POLR1C: variants seen among roughly 807,000 people sequenced by gnomAD.
POLR1C encodes the protein DNA-directed RNA polymerases I and III subunit RPAC1.
In POLR1C, 42 loss-of-function variants were observed where a neutral mutation model predicts 38.3. The ratio of observed to expected loss-of-function variants is 1.10; its 90% CI spans 0.86 to 1.42. POLR1C has a LOEUF of 1.42. POLR1C is among the 40% of genes most tolerant of loss of function. The pLI is 0.00. For synonymous variants in POLR1C, 163 were observed against 163.9 expected (o/e 0.99, Z 0.04); for missense variants, 507 against 450.5 (o/e 1.13, Z -1.14).
chr6:43,520,689 C>G lies in POLR1C; in HGVS notation c.720C>G (p.Thr240=). 1 of 1,614,128 alleles carries G rather than the reference C, an allele frequency of 6.2e-7. No homozygotes were observed. The highest frequency in any genetic ancestry group is 8.5e-7 in the Non-Finnish European group (1 of 1,180,010). ...GTTACAGGCTCCTGCCAGACATCAC[C>G]CTGCTTGAGCCCGTGGAAGGGGAGG... ...TASYRLLPDI[T]LLEPVEGEAA... The change falls in exon 7 of 9, where the codon ACC becomes ACG. Residue 240 remains threonine (T), a synonymous_variant. Coordinates refer to ENST00000642195, the MANE Select transcript of POLR1C (RefSeq NM_203290.4).
rs1793048463 is a variant in POLR1C, at chr6:43,519,895, T to A, written c.382+57T>A. Reference sequence around the variant, plus strand: ...TATCTGGGTTCAAATCCTGGTTGACTGTGATGTTGGGTAAGTTACTTATCT... The same window carrying A: ...TATCTGGGTTCAAATCCTGGTTGACAGTGATGTTGGGTAAGTTACTTATCT... On this transcript the variant is annotated intron_variant, in intron 4 of 8. Transcript: ENST00000642195. 7 of 1,581,800 alleles carry A rather than the reference T, an allele frequency of 4.4e-6. No individual in the cohort carries two copies. The East Asian group carries it at 1.6e-4, about 36-fold the overall frequency.
At chr6:43,542,641 G>T (rs1259204617) in intron 9 of POLR1C, among the ~76,000 whole-genome samples, 3 of 152,000 alleles carry the variant, frequency 2.0e-5, no homozygotes, top group African/African-American at 2.4e-5. Flanking sequence ...GGCCAGGCTG[G>T]TCTCAAACTC....
At chr6:43,528,906 C>T in intron 8 of POLR1C, 1 of 1,613,220 alleles carries the variant, frequency 6.2e-7, no homozygotes, top group Non-Finnish European at 8.5e-7. Flanking sequence ...AGAAGAGCAC[C>T]AGAGGCTTTA....
At chr6:43,519,464 G>T in intron 3 of POLR1C, 24 bp downstream of exon 3, 1 of 1,551,394 alleles carries the variant, frequency 6.4e-7, no homozygotes, top group Non-Finnish European at 8.9e-7. Flanking sequence ...TGGTGACAAG[G>T]CTGGAGTTGC....
intron 4 of POLR1C, 97 bp downstream of exon 4, chr6:43,519,935 C>T (rs1261303021): frequency 6.5e-7 from 1 of 1,539,714 alleles, no homozygotes; most frequent in East Asian, 2.4e-5. Context: ...ACATCAGTGT[C>T]TTTCATCTGT....
At chr6:43,552,325 G>A (rs1406969092) in intron 10 of POLR1C, among the ~76,000 whole-genome samples, 1 of 152,020 alleles carries the variant, frequency 6.6e-6, no homozygotes, top group African/African-American at 2.4e-5. Context: ...CCACGTGCTA[G>A]GATTACAGGC....
Position 43,520,261 on chromosome 6 carries a change from T to C in POLR1C, c.503-14T>C. 6.2e-7 allele frequency: 1 copy of C among 1,613,380 alleles called. No homozygotes were observed. The highest frequency in any genetic ancestry group is 8.5e-7 in the Non-Finnish European group (1 of 1,180,028). ...TTTTAGGGACTGAGATCTTCTGACA[T>C]GTTTTTCCTCCAGTGTATACCAGGC... is the stretch of plus-strand genomic sequence containing the variant. On this transcript the variant is annotated splice_polypyrimidine_tract_variant and intron_variant, in intron 5 of 8. Coordinates refer to ENST00000642195, the MANE Select transcript of POLR1C (RefSeq NM_203290.4).
At chr6:43,536,827 T>A (rs1398556265) in intron 9 of POLR1C, among the ~76,000 whole-genome samples, 4 of 137,372 alleles carry the variant, frequency 2.9e-5, no homozygotes, top group African/African-American at 1.1e-4. Flanking sequence ...CACCTGAAAA[T>A]TTTTTCTGTG....
intron 7 of POLR1C, 74 bp from the exon 8 acceptor site, chr6:43,520,858 A>ATTAGG: frequency 6.2e-7 from 1 of 1,600,638 alleles, no homozygotes; most frequent in East Asian, 2.2e-5. Context: ...CTGGGCTCCT[A>ATTAGG]AAAGTATAAC....
intron 9 of POLR1C, among the ~76,000 whole-genome samples, chr6:43,546,132 T>TTGGTTCATCTGAGC (rs776154635): frequency 2.5e-4 from 38 of 152,170 alleles, no homozygotes; most frequent in Non-Finnish European, 5.0e-4. Flanking sequence ...CAGCGGTTGT[T>TTGGTTCATCTGAGC]TGGTTCATCT....
intron 9 of POLR1C, among the ~76,000 whole-genome samples, chr6:43,537,441 C>T (rs1001047563): frequency 2.6e-5 from 4 of 152,036 alleles, no homozygotes; most frequent in Admixed American, 6.6e-5. Context: ...CCAGAGGTCA[C>T]ATTCATACAT....
intron 10 of POLR1C, among the ~76,000 whole-genome samples, chr6:43,556,552 A>T (rs1342551083): frequency 2.6e-5 from 4 of 152,116 alleles, no homozygotes; most frequent in African/African-American, 9.6e-5. Context: ...ATTTTTAAAA[A>T]GTAAATCAGG....
At chr6:43,545,770 A>G (rs555461865) in intron 9 of POLR1C, among the ~76,000 whole-genome samples, 1 of 152,280 alleles carries the variant, frequency 6.6e-6, no homozygotes, top group South Asian at 2.1e-4. Flanking sequence ...TCTTTGGCCA[A>G]TAACTGAATT....
In POLR1C at chr6:43,560,181, G is replaced by C. The variant is rs767993637; in HGVS notation, c.*49-1219G>C. ...TGTTTAGATTCCCATTATATACCTT[G>C]ACCAAGTTAGTCATGGAAGCACGAA... On this transcript the variant is annotated intron_variant, in intron 10 of 10. Transcript: ENST00000607635. 40 of 1,612,320 alleles carry C rather than the reference G, an allele frequency of 2.5e-5. 1 individual carries two copies. In the East Asian group the frequency reaches 8.9e-4, roughly 36 times the overall value.
chr6:43,519,527 C>A, intron 3 of POLR1C, 87 bp downstream of exon 3: 1 of 1,355,270 alleles, frequency 7.4e-7, no homozygotes, highest in East Asian at 2.3e-5. Context: ...TCAAGCTGTC[C>A]TTCCCTCCTT....
intron 10 of POLR1C, chr6:43,553,540 C>A: frequency 5.9e-6 from 9 of 1,538,408 alleles, no homozygotes; most frequent in Non-Finnish European, 7.9e-6. Context: ...CACACACACA[C>A]ACACACACAA....
chr6:43,545,339 C>T (rs182397794), intron 9 of POLR1C, among the ~76,000 whole-genome samples: 1 of 152,252 alleles, frequency 6.6e-6, no homozygotes, highest in Non-Finnish European at 1.5e-5. Flanking sequence ...TGGTTTGCCC[C>T]GTTGAGACTG....
Position 43,521,347 on chromosome 6 carries a change from CCA to C in POLR1C, c.*49_*50del. 6.2e-7 allele frequency: 1 copy of C among 1,611,122 alleles called. No homozygotes were observed. The highest frequency in any genetic ancestry group is 8.5e-7 in the Non-Finnish European group (1 of 1,179,692). ...GCTGAAGCTTTGGGTTCTGACTGAC[CCA>C]CCCTACAGGACTGCTGAACAGAGAG... On this transcript the variant is annotated 3_prime_UTR_variant, in exon 9 of 9. Coordinates refer to ENST00000642195, the MANE Select transcript of POLR1C (RefSeq NM_203290.4).
chr6:43,527,354 C>T (rs540909967), intron 8 of POLR1C: 34 of 278,126 alleles, frequency 1.2e-4, no homozygotes, highest in African/African-American at 6.2e-4. Flanking sequence ...TCACTGCAGC[C>T]TCCGCCTCCC....
Sources: allele counts gnomAD v4.1 joint callset (sites outside exome capture counted in the v4.1 genomes callset), GRCh38; gene constraint gnomAD v4.1.1; transcripts MANE v1.5; gene names NCBI Gene and HGNC (gene_info 2026-07-23, HGNC 2026-07-21).